LRRC4C: variants seen among roughly 807,000 people sequenced by gnomAD.
LRRC4C encodes the protein leucine rich repeat containing 4C.
A neutral mutation model predicts 33.6 loss-of-function variants in LRRC4C; 5 were observed. The ratio of observed to expected loss-of-function variants is 0.15; its 90% CI spans 0.08 to 0.31. The LOEUF is 0.31. Among genes scored for constraint, LRRC4C ranks in the 10% least tolerant of loss-of-function variants. The probability of loss-of-function intolerance (pLI) is 1.00; values close to 1 mark genes in which losing one functional copy is unlikely to be tolerated. For missense variants in LRRC4C, 560 were observed against 796.7 expected (o/e 0.70, Z 3.58); for synonymous variants, 329 against 302.0 (o/e 1.09, Z -0.93).
At chr11:40,670,999 G>A (rs1944072662) in intron 2 of LRRC4C, among the ~76,000 whole-genome samples, 1 of 152,148 alleles carries the variant, frequency 6.6e-6, no homozygotes, top group South Asian at 2.1e-4. Context: ...TCCTGACCTC[G>A]TGATCCGCCC....
chr11:40,352,091 C>T (rs1029887658), intron 3 of LRRC4C, among the ~76,000 whole-genome samples: 1 of 150,192 alleles, frequency 6.7e-6, no homozygotes, highest in Non-Finnish European at 1.5e-5. Context: ...TAGTTCCTTC[C>T]TTCCTTTTTT....
intron 5 of LRRC4C, among the ~76,000 whole-genome samples, chr11:40,163,758 G>A (rs1240397823): frequency 6.6e-6 from 1 of 152,002 alleles, no homozygotes; most frequent in Non-Finnish European, 1.5e-5. Flanking sequence ...ATGACCCTGA[G>A]CCACACCCTT....
At chr11:40,970,710 C>T (rs531909199) in intron 1 of LRRC4C, among the ~76,000 whole-genome samples, 2 of 152,188 alleles carry the variant, frequency 1.3e-5, no homozygotes, top group Non-Finnish European at 2.9e-5. Context: ...CTACCTAGAG[C>T]CTTGTTAAAC....
At chr11:40,497,656 G>T (rs1954536130) in intron 3 of LRRC4C, among the ~76,000 whole-genome samples, 1 of 152,176 alleles carries the variant, frequency 6.6e-6, no homozygotes, top group South Asian at 2.1e-4. Context: ...GAAAGGCCAT[G>T]ACAGTGTAGC....
chr11:40,548,860 C>G (rs1957028523), intron 3 of LRRC4C, among the ~76,000 whole-genome samples: 1 of 152,070 alleles, frequency 6.6e-6, no homozygotes, highest in Admixed American at 6.6e-5. Context: ...CTCCCTGTAC[C>G]CACCTGCTTG....
chr11:40,213,796 T>C (rs1250390376), intron 5 of LRRC4C, among the ~76,000 whole-genome samples: 1 of 152,172 alleles, frequency 6.6e-6, no homozygotes, highest in Non-Finnish European at 1.5e-5. Context: ...ATGAGTTTCC[T>C]TTCTTCCTAC....
chr11:40,552,689 T>C lies in LRRC4C; in HGVS notation c.-270+95453A>G, dbSNP rs892575183. On this transcript the variant is annotated intron_variant, in intron 3 of 6. Coordinates refer to ENST00000528697, the MANE Select transcript of LRRC4C (RefSeq NM_001258419.2). The stretch of plus-strand genomic sequence containing the variant: ...GGTAAAAGGTGGCTGTTTTCATGTT[T>C]TAAACCTATAATCCTAAATAATGGG... Among the ~76,000 whole-genome samples, 5 of 152,298 alleles carry C rather than the reference T, an allele frequency of 3.3e-5. No homozygotes were observed. In the South Asian group the frequency reaches 1.0e-3, roughly 32 times the overall value.
chr11:40,820,380 A>C (rs1410588474), intron 2 of LRRC4C, among the ~76,000 whole-genome samples: 1 of 152,046 alleles, frequency 6.6e-6, no homozygotes, highest in Non-Finnish European at 1.5e-5. Flanking sequence ...AAATGAAAGA[A>C]AAATGTAGTA....
intron 1 of LRRC4C, among the ~76,000 whole-genome samples, chr11:41,257,157 C>A (rs75640095): frequency 0.019 from 2,880 of 152,026 alleles, 94 homozygotes; most frequent in African/African-American, 0.067. Context: ...CTGAGTATCC[C>A]ACTAAGTTCA....
At chr11:40,969,475 A>AC (rs1851575917) in intron 1 of LRRC4C, among the ~76,000 whole-genome samples, 1 of 151,660 alleles carries the variant, frequency 6.6e-6, no homozygotes, top group Non-Finnish European at 1.5e-5. Flanking sequence ...AAAAAAAAAA[A>AC]ACTATTTCAT....
Position 41,414,121 on chromosome 11 carries a change from C to T in LRRC4C, c.-496+45310G>A, listed in dbSNP as rs368228717. 4.6e-5 allele frequency among the ~76,000 whole-genome samples: 7 copies of T among 152,200 alleles called. No individual in the cohort carries two copies. The South Asian group carries it at 6.2e-4, about 14-fold the overall frequency. Reference sequence around the variant, plus strand: ...AAGCAGCCTGAGGTTGTTGTGAAAACGGAAAGGATGGTATAAATAATGCCT... The same window carrying T: ...AAGCAGCCTGAGGTTGTTGTGAAAATGGAAAGGATGGTATAAATAATGCCT... On this transcript the variant is annotated intron_variant, in intron 1 of 6. Coordinates refer to ENST00000528697, the MANE Select transcript of LRRC4C (RefSeq NM_001258419.2).
intron 1 of LRRC4C, among the ~76,000 whole-genome samples, chr11:41,085,953 GAAAGA>G (rs1173498643): frequency 8.8e-5 from 8 of 90,434 alleles, no homozygotes; most frequent in Non-Finnish European, 1.9e-4. Context: ...AAAAAAAAAA[GAAAGA>G]AAAGAAAAAA....
At chr11:40,153,069 G>A (rs1238797322) in intron 5 of LRRC4C, among the ~76,000 whole-genome samples, 1 of 152,156 alleles carries the variant, frequency 6.6e-6, no homozygotes, top group African/African-American at 2.4e-5. Flanking sequence ...CAGAACAGGT[G>A]CTGATATTCA....
intron 1 of LRRC4C, among the ~76,000 whole-genome samples, chr11:41,110,817 C>G (rs1314397402): frequency 6.6e-6 from 1 of 151,900 alleles, no homozygotes; most frequent in Non-Finnish European, 1.5e-5. Context: ...GCACTTTTTT[C>G]AAATTCAAAT....
chr11:40,401,786 G>A (rs1192154983), intron 3 of LRRC4C, among the ~76,000 whole-genome samples: 1 of 152,094 alleles, frequency 6.6e-6, no homozygotes, highest in Non-Finnish European at 1.5e-5. Context: ...AGGATGCTGT[G>A]TATAAATTCA....
chr11:40,941,721 C>T (rs1008803131), intron 1 of LRRC4C, among the ~76,000 whole-genome samples: 1 of 152,036 alleles, frequency 6.6e-6, no homozygotes, highest in Non-Finnish European at 1.5e-5. Context: ...ACTTTGAGCA[C>T]TTATTTATAC....
intron 2 of LRRC4C, among the ~76,000 whole-genome samples, chr11:40,892,973 C>T (rs1376121144): frequency 2.6e-5 from 4 of 152,166 alleles, no homozygotes; most frequent in African/African-American, 9.6e-5. Context: ...AAGAAACTAT[C>T]ACCCAATCCA....
chr11:41,353,749 A>T (rs908302489), intron 1 of LRRC4C, among the ~76,000 whole-genome samples: 6 of 152,326 alleles, frequency 3.9e-5, no homozygotes, highest in African/African-American at 1.4e-4. Context: ...TTCATTACAT[A>T]AACAGAACTA....
At chr11:40,227,606 G>A (rs114321020) in intron 5 of LRRC4C, among the ~76,000 whole-genome samples, 82 of 152,264 alleles carry the variant, frequency 5.4e-4, no homozygotes, top group African/African-American at 1.9e-3. Flanking sequence ...TGGAGGGTAT[G>A]CAGTGTCACA....
Sources: gnomAD v4.1 joint callset for allele counts (sites outside exome capture counted in the v4.1 genomes callset) on GRCh38, gnomAD v4.1.1 for gene constraint, MANE v1.5 for transcripts, NCBI Gene and HGNC (gene_info 2026-07-23, HGNC 2026-07-21) for gene names.